PRPF4: variants seen among roughly 807,000 people sequenced by gnomAD.
The protein encoded by PRPF4 is U4/U6 small nuclear ribonucleoprotein Prp4.
Under a neutral mutation model 72.2 loss-of-function variants are expected in PRPF4, and 14 were observed. That is an observed-to-expected ratio of 0.19 (90% CI 0.13 to 0.30). The LOEUF (loss-of-function observed/expected upper bound fraction) is 0.30. PRPF4 is among the 10% of genes least tolerant of loss of function. The pLI is 1.00. For missense variants in PRPF4, 478 were observed against 653.9 expected (o/e 0.73, Z 2.93); for synonymous variants, 225 against 232.2 (o/e 0.97, Z 0.28).
At position 113,282,704 on chromosome 9, in the gene PRPF4, G is replaced by T; in HGVS notation, c.451G>T (p.Asp151Tyr). Residue 151 changes from aspartate to tyrosine, a missense_variant, in exon 4 of 14, where the codon GAT (aspartate) becomes TAT (tyrosine). Coordinates refer to ENST00000374198, the MANE Select transcript of PRPF4 (RefSeq NM_001244926.2). ...TGCCTTGAAAAAGACCAAAAAGGAT[G>T]ATGAGAAGTCTAAAAAGTCCAAAGA... ...TDALKKTKKDDEKSKKSKEEY... is the reference protein window; with the variant it reads ...TDALKKTKKDYEKSKKSKEEY... The T allele has an allele frequency of 6.2e-7, 1 of 1,611,358 alleles. No homozygotes were observed. Among genetic ancestry groups the T allele is most frequent in the Non-Finnish European group, 8.5e-7 (1 of 1,178,340 alleles).
At chr9:113,283,571 A>C in intron 6 of PRPF4, 89 bp downstream of exon 6, 1 of 1,300,182 alleles carries the variant, frequency 7.7e-7, no homozygotes, top group Non-Finnish European at 1.1e-6. Context: ...GGGAAGGTAG[A>C]GGCAACTAGA....
At chr9:113,277,977 T>G (rs944200976) in intron 2 of PRPF4, among the ~76,000 whole-genome samples, 10 of 151,836 alleles carry the variant, frequency 6.6e-5, no homozygotes, top group African/African-American at 2.4e-5. Flanking sequence ...CGAGACCCTG[T>G]CTCAAAAAAA....
intron 10 of PRPF4, among the ~76,000 whole-genome samples, chr9:113,290,067 A>C (rs1331551329): frequency 1.3e-5 from 2 of 152,056 alleles, no homozygotes; most frequent in African/African-American, 4.8e-5. Flanking sequence ...GAAAAATACA[A>C]AAATTAGCTG....
At chr9:113,290,417 A>G in intron 10 of PRPF4, 49 bp from the exon 11 acceptor site, 1 of 1,612,752 alleles carries the variant, frequency 6.2e-7, no homozygotes, top group Non-Finnish European at 8.5e-7. Context: ...TGTGTTGTAG[A>G]AACTGAATAA....
chr9:113,289,869 G>A (rs1023223737), intron 10 of PRPF4, among the ~76,000 whole-genome samples: 2 of 152,158 alleles, frequency 1.3e-5, no homozygotes, highest in Non-Finnish European at 2.9e-5. Flanking sequence ...TAACAGTGGA[G>A]GAAGAAAGAA....
chr9:113,291,131 C>G (rs1017358556), intron 13 of PRPF4, 115 bp downstream of exon 13: 5 of 1,105,164 alleles, frequency 4.5e-6, no homozygotes, highest in Non-Finnish European at 6.8e-6. Context: ...AGAAATTGAC[C>G]TACTGGTAAA....
chr9:113,289,135 G>A (rs1023388367), intron 10 of PRPF4, among the ~76,000 whole-genome samples: 2 of 152,152 alleles, frequency 1.3e-5, no homozygotes, highest in African/African-American at 4.8e-5. Context: ...TTTGTGGCAG[G>A]CTTCTTTCAG....
At chr9:113,281,616 C>G (rs955025749) in intron 3 of PRPF4, among the ~76,000 whole-genome samples, 16 of 152,168 alleles carry the variant, frequency 1.1e-4, no homozygotes, top group Admixed American at 1.3e-4. Flanking sequence ...TTCACCAGTC[C>G]TCTTCTATGT....
intron 3 of PRPF4, 134 bp from the exon 4 acceptor site, chr9:113,282,512 A>C: frequency 1.6e-6 from 1 of 639,986 alleles, no homozygotes; most frequent in Non-Finnish European, 2.6e-6. Context: ...TTGAACAGTG[A>C]GAGAATAGTA....
chr9:113,285,067 A>G (rs1027913273), intron 7 of PRPF4, among the ~76,000 whole-genome samples: 1 of 151,616 alleles, frequency 6.6e-6, no homozygotes, highest in African/African-American at 2.4e-5. Flanking sequence ...AAATGAGTCC[A>G]CCTCTCCAAG....
chr9:113,284,504 C>A, intron 7 of PRPF4, 115 bp downstream of exon 7: 1 of 830,640 alleles, frequency 1.2e-6, no homozygotes. Flanking sequence ...TTCTCATGAT[C>A]ACACCAAACT....
chr9:113,276,063 G>A (rs1832084282), intron 1 of PRPF4, among the ~76,000 whole-genome samples: 1 of 152,230 alleles, frequency 6.6e-6, no homozygotes, highest in African/African-American at 2.4e-5. Context: ...CAAGGTTTAT[G>A]CCTTTGGCAG....
At chr9:113,283,069 G>C in intron 4 of PRPF4, 63 bp from the exon 5 acceptor site, 1 of 1,603,544 alleles carries the variant, frequency 6.2e-7, no homozygotes, top group Non-Finnish European at 8.5e-7. Context: ...ATGGAGAAAT[G>C]ACAGTTATAA....
chr9:113,286,163 A>G (rs988175373), intron 7 of PRPF4, 69 bp from the exon 8 acceptor site: 7 of 1,519,652 alleles, frequency 4.6e-6, no homozygotes, highest in Admixed American at 3.4e-5. Flanking sequence ...GTCCTTTAGT[A>G]ATATTACCAA....
At chr9:113,289,806 A>G (rs536179323) in intron 10 of PRPF4, among the ~76,000 whole-genome samples, 5 of 152,286 alleles carry the variant, frequency 3.3e-5, no homozygotes, top group Admixed American at 2.0e-4. Context: ...TGTATCCCCA[A>G]CATCCAATTT....
At chr9:113,289,339 A>G (rs930648257) in intron 10 of PRPF4, among the ~76,000 whole-genome samples, 1 of 152,224 alleles carries the variant, frequency 6.6e-6, no homozygotes, top group African/African-American at 2.4e-5. Flanking sequence ...TTTTGTGGAC[A>G]TGAGTACAAT....
intron 2 of PRPF4, among the ~76,000 whole-genome samples, chr9:113,277,909 G>A (rs1219611145): frequency 1.3e-5 from 2 of 152,098 alleles, no homozygotes; most frequent in South Asian, 4.2e-4. Flanking sequence ...CTGAGGTGGG[G>A]GTTCAAGGCT....
chr9:113,279,534 G>A (rs1011088130), intron 3 of PRPF4, among the ~76,000 whole-genome samples: 11 of 151,784 alleles, frequency 7.2e-5, no homozygotes, highest in Non-Finnish European at 1.2e-4. Context: ...TTTCTTTTTT[G>A]TATTTTTAGT....
At chr9:113,286,945 T>C in intron 9 of PRPF4, 117 bp downstream of exon 9, 1 of 1,443,280 alleles carries the variant, frequency 6.9e-7, no homozygotes, top group South Asian at 1.2e-5. Flanking sequence ...GGCTCACACC[T>C]TAAGGCTGAG....
Sources: allele counts gnomAD v4.1 joint callset (sites outside exome capture counted in the v4.1 genomes callset), GRCh38; gene constraint gnomAD v4.1.1; transcripts MANE v1.5; gene names NCBI Gene and HGNC (gene_info 2026-07-23, HGNC 2026-07-21).